Variants in ATP8A2 observed in about 807,000 individuals in gnomAD.
ATP8A2 encodes the protein phospholipid-transporting ATPase IB.
A neutral mutation model predicts 165.6 loss-of-function variants in ATP8A2; 100 were observed. The observed-to-expected ratio is 0.60, with a 90% CI of 0.51 to 0.71. The LOEUF is 0.71. Ranked by LOEUF, ATP8A2 falls within the 30% of genes least tolerant of loss-of-function variation. The probability of loss-of-function intolerance (pLI) is 0.00; values close to 1 mark genes in which losing one functional copy is unlikely to be tolerated. For missense variants in ATP8A2, 1,227 were observed against 1,479.5 expected, an observed-to-expected ratio of 0.83 and a Z score of 2.80; for synonymous variants, 543 against 548.8, an observed-to-expected ratio of 0.99 and a Z score of 0.15.
chr13:25,498,559 T>A (rs140379123), intron 2 of ATP8A2, among the ~76,000 whole-genome samples: 2 of 152,302 alleles, frequency 1.3e-5, no homozygotes, highest in African/African-American at 4.8e-5. Context: ...GGTCATAGAA[T>A]TGGCCAATGT....
At chr13:25,893,777 T>C (rs1953452408) in intron 33 of ATP8A2, among the ~76,000 whole-genome samples, 1 of 152,220 alleles carries the variant, frequency 6.6e-6, no homozygotes, top group Non-Finnish European at 1.5e-5. Flanking sequence ...ATTGTGGTTT[T>C]GATTTGCATT....
At chr13:25,894,071 C>G (rs1232029593) in intron 33 of ATP8A2, among the ~76,000 whole-genome samples, 1 of 152,180 alleles carries the variant, frequency 6.6e-6, no homozygotes, top group East Asian at 1.9e-4. Flanking sequence ...GCTTTTGTTA[C>G]CATTGCTTTT....
chr13:25,636,947 A>G (rs2041382946), intron 24 of ATP8A2, among the ~76,000 whole-genome samples: 1 of 152,010 alleles, frequency 6.6e-6, no homozygotes, highest in East Asian at 1.9e-4. Context: ...AAATGTAGCC[A>G]GACACAGTGG....
intron 29 of ATP8A2, 135 bp from the exon 30 acceptor site, chr13:25,839,411 T>C: frequency 1.6e-6 from 1 of 610,812 alleles, no homozygotes; most frequent in Non-Finnish European, 3.0e-6. Context: ...TTTTTTCAAA[T>C]TCAAGAATAA....
chr13:25,951,364 G>A (rs1955353719), intron 33 of ATP8A2, among the ~76,000 whole-genome samples: 1 of 152,218 alleles, frequency 6.6e-6, no homozygotes, highest in Middle Eastern at 3.2e-3. Context: ...GAGACATCAT[G>A]TTGAGTGAAA....
chr13:25,838,913 AG>A (rs1951691683), intron 29 of ATP8A2, among the ~76,000 whole-genome samples: 1 of 152,260 alleles, frequency 6.6e-6, no homozygotes, highest in African/African-American at 2.4e-5. Flanking sequence ...GTGAAACTAA[AG>A]TTTAGAATAA....
intron 1 of ATP8A2, among the ~76,000 whole-genome samples, chr13:25,395,084 T>C (rs574345665): frequency 1.3e-5 from 2 of 152,226 alleles, no homozygotes; most frequent in African/African-American, 4.8e-5. Context: ...TATGTCTTCC[T>C]AAAACTATGA....
rs1298798578 is a variant in ATP8A2 at position 25,750,300 on chromosome 13, A to AAATAGTACAC, written c.2385-18744_2385-18735dup. 1.3e-5 allele frequency among the ~76,000 whole-genome samples: 2 copies of AAATAGTACAC among 152,156 alleles called. No individual in the cohort carries two copies. The highest frequency in any genetic ancestry group is 4.8e-5 in the African/African-American group (2 of 41,430). ...GCTAGAGTTTTCAGGAGACCAAATA[A>AAATAGTACAC]AATAGTACACATCTGTGTGTAGTTA... On this transcript the variant is annotated intron_variant, in intron 25 of 36. Coordinates refer to ENST00000381655, the MANE Select transcript of ATP8A2 (RefSeq NM_016529.6). The surrounding 1 kb of genome is among the most constrained non-coding windows in gnomAD (Gnocchi z 4.3).
chr13:25,666,104 G>A (rs1388785114), intron 24 of ATP8A2, among the ~76,000 whole-genome samples: 3 of 151,870 alleles, frequency 2.0e-5, no homozygotes, highest in Non-Finnish European at 4.4e-5. Flanking sequence ...TATTGTCATT[G>A]TATAATTTAG....
At chr13:25,642,355 A>T (rs2041549029) in intron 24 of ATP8A2, among the ~76,000 whole-genome samples, 1 of 152,190 alleles carries the variant, frequency 6.6e-6, no homozygotes. Context: ...TACTCATCTG[A>T]CAAAGGGCTA....
chr13:25,461,852 AAGGAGG>A (rs1555274204), intron 1 of ATP8A2, among the ~76,000 whole-genome samples: 36 of 147,814 alleles, frequency 2.4e-4, no homozygotes, highest in African/African-American at 8.8e-4. Flanking sequence ...GGAGAAGAAG[AAGGAGG>A]AGGAGGAGGA....
intron 2 of ATP8A2, among the ~76,000 whole-genome samples, chr13:25,519,690 T>A (rs759383710): frequency 2.6e-5 from 4 of 152,188 alleles, no homozygotes; most frequent in African/African-American, 4.8e-5. Context: ...TGGGTTTCCA[T>A]GCAGCTAAAG....
At chr13:25,890,133 G>A (rs1429959519) in intron 33 of ATP8A2, among the ~76,000 whole-genome samples, 1 of 152,110 alleles carries the variant, frequency 6.6e-6, no homozygotes, top group Non-Finnish European at 1.5e-5. Context: ...CTGCCCTCCA[G>A]CCTGGGTGAC....
At chr13:25,813,486 T>C (rs1210604232) in intron 27 of ATP8A2, among the ~76,000 whole-genome samples, 1 of 127,916 alleles carries the variant, frequency 7.8e-6, no homozygotes, top group Non-Finnish European at 1.6e-5. Context: ...GATCTGATGA[T>C]ATGATATATG....
intron 11 of ATP8A2, among the ~76,000 whole-genome samples, 181 bp from the exon 12 acceptor site, chr13:25,553,612 G>A (rs182018434): frequency 3.4e-4 from 52 of 152,288 alleles, no homozygotes; most frequent in Non-Finnish European, 5.9e-4. Flanking sequence ...TCTCTTTAGC[G>A]GATGCATCCT....
intron 27 of ATP8A2, among the ~76,000 whole-genome samples, chr13:25,825,045 C>T (rs1463763493): frequency 6.7e-6 from 1 of 150,132 alleles, no homozygotes. Flanking sequence ...TGGGCATTCT[C>T]TCTTGATTTG....
chr13:25,441,089 T>A (rs1193720049), intron 1 of ATP8A2, among the ~76,000 whole-genome samples: 1 of 152,204 alleles, frequency 6.6e-6, no homozygotes, highest in African/African-American at 2.4e-5. Flanking sequence ...ATGTTTCTGT[T>A]ACTTTAAAAT....
At chr13:25,886,932 G>T in intron 33 of ATP8A2, among the ~76,000 whole-genome samples, 1 of 152,194 alleles carries the variant, frequency 6.6e-6, no homozygotes, top group East Asian at 1.9e-4. Flanking sequence ...CAGGCACATT[G>T]ACAACAGCTG....
Position 25,934,502 on chromosome 13 carries a change from C to G in ATP8A2, c.3184-27073C>G, listed in dbSNP as rs1954836347. Among the ~76,000 whole-genome samples the G allele has an allele frequency of 2.6e-5, 4 of 152,198 alleles. No homozygotes were observed. In the South Asian group the frequency reaches 8.3e-4, roughly 32 times the overall value. ...TTTTACCTCCGGTCAGCAGTGTGAC[C>G]TTAGGAAGATTATTTGACATTTCTG... On this transcript the variant is annotated intron_variant, in intron 33 of 36. Coordinates refer to ENST00000381655, the MANE Select transcript of ATP8A2 (RefSeq NM_016529.6).
Sources: allele counts gnomAD v4.1 joint callset (sites outside exome capture counted in the v4.1 genomes callset), GRCh38; gene constraint gnomAD v4.1.1; non-coding constraint Gnocchi (gnomAD v3.1); transcripts MANE v1.5; gene names NCBI Gene and HGNC (gene_info 2026-07-23, HGNC 2026-07-21).